The following TAAR5 variants were observed in gnomAD, a reference collection of about 807,000 sequenced individuals.
TAAR5 encodes the protein trace amine associated receptor 5, also known as trace amine-associated receptor 5.
Under a neutral mutation model 21.1 loss-of-function variants are expected in TAAR5, and 27 were observed. The observed-to-expected ratio is 1.28, with a 90% confidence interval of 0.94 to 1.76. The LOEUF is 1.76. Ranked by LOEUF, TAAR5 falls within the 40% of genes most tolerant of loss-of-function variation. TAAR5 has a pLI of 0.00. For missense variants in TAAR5, 495 were observed against 405.6 expected, an observed-to-expected ratio of 1.22 and a Z score of -1.89; for synonymous variants, 203 against 167.5, an observed-to-expected ratio of 1.21 and a Z score of -1.64.
upstream of TAAR5, among the ~76,000 whole-genome samples, chr6:132,593,170 T>G (rs1316873891): frequency 6.6e-6 from 1 of 152,138 alleles, no homozygotes; most frequent in African/African-American, 2.4e-5. Context: ...GCTACAGTCT[T>G]TGGTCAAAAA....
At chr6:132,598,106 T>G in the TAAR5 span, among the ~76,000 whole-genome samples, 1 of 152,206 alleles carries the variant, frequency 6.6e-6, no homozygotes, top group South Asian at 2.1e-4. Context: ...ATGATTTTTC[T>G]CTTACTGGTT....
At chr6:132,607,900 C>T in the TAAR5 span, among the ~76,000 whole-genome samples, 2 of 152,192 alleles carry the variant, frequency 1.3e-5, no homozygotes, top group African/African-American at 4.8e-5. Flanking sequence ...CCAAAGCCAA[C>T]ACTTTTTAAA....
In TAAR5 at chr6:132,589,430, A is replaced by G; in HGVS notation, c.257T>C (p.Leu86Pro). ...LALADMFLGL[L>P]VLPLSTIRSV... ...GCGAATGGTGCTGAGGGGCAGCACCAGCAGACCCAGAAACATGTCAGCCAG... is the reference window on the plus strand; with the variant it reads ...GCGAATGGTGCTGAGGGGCAGCACCGGCAGACCCAGAAACATGTCAGCCAG... Residue 86 changes from leucine (L) to proline (P), a missense_variant, in exon 1 of 1, where the codon CTG (leucine) becomes CCG (proline). Transcript: ENST00000258034. 6.2e-7 allele frequency: 1 copy of G among 1,614,120 alleles called. No homozygotes were observed. Among genetic ancestry groups the G allele is most frequent in the Non-Finnish European group, 8.5e-7 (1 of 1,179,976 alleles).
chr6:132,600,990 AAGGAGGGAAGGAGGGAAGGAAGGAAGGG>A, the TAAR5 span, among the ~76,000 whole-genome samples: 1 of 133,422 alleles, frequency 7.5e-6, no homozygotes, highest in Non-Finnish European at 1.6e-5. Context: ...AGAAGGAAGG[AAGGAGGGAAGGAGGGAAGGAAGGAAGGG>A]GGGAAGGAGG....
chr6:132,591,504 C>T (rs926036337), upstream of TAAR5, among the ~76,000 whole-genome samples: 1 of 152,128 alleles, frequency 6.6e-6, no homozygotes, highest in African/African-American at 2.4e-5. Flanking sequence ...GCCTGGCTAC[C>T]GCTGGAATCT....
the TAAR5 span, among the ~76,000 whole-genome samples, chr6:132,600,806 A>G: frequency 7.0e-6 from 1 of 143,264 alleles, no homozygotes; most frequent in South Asian, 2.4e-4. Flanking sequence ...GGGAGGAAGG[A>G]AGGAAGGAAG....
the TAAR5 span, among the ~76,000 whole-genome samples, chr6:132,612,223 T>C: frequency 2.8e-4 from 42 of 152,298 alleles, no homozygotes; most frequent in African/African-American, 9.9e-4. Context: ...TGTCTATCCA[T>C]CACCACTGGA....
At chr6:132,590,536 T>C (rs1334355652), upstream of TAAR5, among the ~76,000 whole-genome samples, 1 of 152,210 alleles carries the variant, frequency 6.6e-6, no homozygotes, top group Non-Finnish European at 1.5e-5. Context: ...AAATGTTTCT[T>C]GGAGCAGGTG....
chr6:132,594,540 G>A (rs183957690), upstream of TAAR5: 19 of 152,258 alleles, frequency 1.2e-4, no homozygotes, highest in East Asian at 3.5e-3. Context: ...CCTAGCCAGA[G>A]GAAGACATTG....
At chr6:132,614,904 G>A in the TAAR5 span, among the ~76,000 whole-genome samples, 305 of 152,134 alleles carry the variant, frequency 2.0e-3, no homozygotes, top group African/African-American at 7.1e-3. Context: ...TCACTCTGTC[G>A]CCAGGCTGGA....
At chr6:132,614,421 G>A in the TAAR5 span, among the ~76,000 whole-genome samples, 1 of 152,080 alleles carries the variant, frequency 6.6e-6, no homozygotes, top group African/African-American at 2.4e-5. Context: ...TTGTTTTTTA[G>A]TTAAAAACTA....
the TAAR5 span, among the ~76,000 whole-genome samples, chr6:132,603,409 C>G: frequency 2.7e-5 from 4 of 148,650 alleles, no homozygotes; most frequent in African/African-American, 7.4e-5. Flanking sequence ...TATGGTCATT[C>G]AAAACCAGTT....
the TAAR5 span, among the ~76,000 whole-genome samples, chr6:132,600,980 A>AGG: frequency 2.4e-4 from 4 of 16,364 alleles, no homozygotes; most frequent in African/African-American, 1.8e-3. Flanking sequence ...AAGGAGGGAA[A>AGG]GAAGGAAGGA....
chr6:132,593,954 C>T (rs1306160392), upstream of TAAR5, among the ~76,000 whole-genome samples: 1 of 152,164 alleles, frequency 6.6e-6, no homozygotes, highest in Non-Finnish European at 1.5e-5. Flanking sequence ...TCCTGTATGC[C>T]CAGGCTCTCT....
chr6:132,590,089 T>C (rs117640660), upstream of TAAR5, among the ~76,000 whole-genome samples: 542 of 152,318 alleles, frequency 3.6e-3, 3 homozygotes, highest in Non-Finnish European at 6.4e-3. Flanking sequence ...TGATAAGGTA[T>C]TTTTTGTCAA....
At chr6:132,601,799 A>G in the TAAR5 span, among the ~76,000 whole-genome samples, 1 of 152,200 alleles carries the variant, frequency 6.6e-6, no homozygotes, top group Admixed American at 6.5e-5. Context: ...AGCATGTGTA[A>G]TATTTTGCCA....
chr6:132,595,722 G>T, the TAAR5 span, among the ~76,000 whole-genome samples: 1,333 of 152,274 alleles, frequency 8.8e-3, 19 homozygotes, highest in African/African-American at 0.031. Context: ...GCATGTTCCA[G>T]TTGCCCTAAT....
chr6:132,604,146 C>CTTTTTTTTTTTTTTTTTTTT, the TAAR5 span, among the ~76,000 whole-genome samples: 1 of 126,006 alleles, frequency 7.9e-6, no homozygotes, highest in African/African-American at 2.9e-5. Flanking sequence ...TTTTTCTTTT[C>CTTTTTTTTTTTTTTTTTTTT]TTTTTTTTTT....
chr6:132,588,950 T>C lies in TAAR5; in HGVS notation c.737A>G (p.His246Arg), dbSNP rs762632022. The change falls in exon 1 of 1, where the codon CAT becomes CGT. Residue 246 changes from histidine to arginine, a missense_variant. By Grantham distance (29) the His-to-Arg change is conservative. Coordinates refer to ENST00000258034, the MANE Select transcript of TAAR5 (RefSeq NM_003967.3). ...CAGGGTCTTGGCAGCTTTTCTCTCA[T>C]GCTTGGCAGCCCCAGCCAGGCTTTT... ...LSKSLAGAAK[H>R]ERKAAKTLGI... is the part of the protein sequence containing the mutation. 6.2e-7 allele frequency: 1 copy of C among 1,614,136 alleles called. No homozygotes were observed. Among genetic ancestry groups the C allele is most frequent in the East Asian group, 2.2e-5 (1 of 44,860 alleles).
Sources: allele counts gnomAD v4.1 joint callset (sites outside exome capture counted in the v4.1 genomes callset), GRCh38; gene constraint gnomAD v4.1.1; transcripts MANE v1.5; gene names NCBI Gene and HGNC (gene_info 2026-07-23, HGNC 2026-07-21).